Variants in DHX9 observed in about 807,000 individuals in gnomAD.
DHX9 encodes the protein ATP-dependent RNA helicase A.
Under a neutral mutation model 148.7 loss-of-function variants are expected in DHX9, and 27 were observed. The ratio of observed to expected loss-of-function variants is 0.18; its 90% CI spans 0.13 to 0.25. DHX9 has a LOEUF of 0.25. Among genes scored for constraint, DHX9 ranks in the 10% least tolerant of loss-of-function variants. The pLI is 1.00. For missense variants in DHX9, 796 were observed against 1,559.6 expected (o/e 0.51, Z 8.25); for synonymous variants, 529 against 516.6 (o/e 1.02, Z -0.33).
Position 182,883,131 on chromosome 1 carries a change from C to T in DHX9, c.2915-8C>T. 1.9e-6 allele frequency: 3 copies of T among 1,607,504 alleles called. No homozygotes were observed. Among genetic ancestry groups the T allele is most frequent in the Non-Finnish European group, 2.6e-6 (3 of 1,174,094 alleles). On this transcript the variant is annotated splice_polypyrimidine_tract_variant and splice_region_variant and intron_variant, in intron 24 of 27. Coordinates refer to ENST00000367549, the MANE Select transcript of DHX9 (RefSeq NM_001357.5). ...TGATTTTTGTTTTCACTGTGCTCCTCTTAACAGATTGTTTGTTGACACAAG... is the reference window on the plus strand; with the variant it reads ...TGATTTTTGTTTTCACTGTGCTCCTTTTAACAGATTGTTTGTTGACACAAG...
intron 14 of DHX9, among the ~76,000 whole-genome samples, chr1:182,868,723 G>A (rs1344703627): frequency 2.0e-5 from 3 of 151,862 alleles, no homozygotes; most frequent in African/African-American, 7.3e-5. Flanking sequence ...CACCATGTTG[G>A]CCAGGCTGGT....
intron 6 of DHX9, among the ~76,000 whole-genome samples, chr1:182,855,240 A>G (rs1668233175): frequency 6.6e-6 from 1 of 151,048 alleles, no homozygotes. Context: ...GTCTTTCTGA[A>G]CGCATTGGGC....
Position 182,883,504 on chromosome 1 carries a change from CT to C in DHX9, c.3145-13del, listed in dbSNP as rs896071282. 13 of 1,609,554 alleles carry C rather than the reference CT, an allele frequency of 8.1e-6. No individual in the cohort carries two copies. Among genetic ancestry groups the C allele is most frequent in the Non-Finnish European group, 1.1e-5 (13 of 1,176,120 alleles). On this transcript the variant is annotated splice_polypyrimidine_tract_variant and intron_variant, in intron 25 of 27. Transcript: ENST00000367549. ...GAATGTCAACCATTTTGTATTGTCT[CT>C]TTCTCCATTTGCAGATTCGAACTCG...
intron 6 of DHX9, among the ~76,000 whole-genome samples, chr1:182,855,006 A>G (rs1000694738): frequency 6.6e-6 from 1 of 152,206 alleles, no homozygotes; most frequent in Non-Finnish European, 1.5e-5. Flanking sequence ...TTTTCTCGAA[A>G]ATCAAAGTGT....
chr1:182,876,602 C>T (rs1648812557), intron 18 of DHX9, 61 bp downstream of exon 18: 1 of 1,476,862 alleles, frequency 6.8e-7, no homozygotes, highest in African/African-American at 1.4e-5. Flanking sequence ...ACAAATGTTA[C>T]AGGCTTTCAA....
intron 26 of DHX9, 34 bp from the exon 27 acceptor site, chr1:182,884,579 C>CCT: frequency 1.3e-6 from 2 of 1,583,960 alleles, no homozygotes; most frequent in Non-Finnish European, 1.7e-6. Context: ...ACATATACTC[C>CCT]CTCTCTTATT....
At chr1:182,868,187 C>T (rs908264406) in intron 14 of DHX9, among the ~76,000 whole-genome samples, 3 of 151,948 alleles carry the variant, frequency 2.0e-5, no homozygotes, top group African/African-American at 7.3e-5. Context: ...TAGTACTCAG[C>T]AACAAAAAGA....
chr1:182,839,565 G>C (rs962313263), intron 1 of DHX9, 109 bp downstream of exon 1: 1 of 152,840 alleles, frequency 6.5e-6, no homozygotes, highest in Non-Finnish European at 1.5e-5. Flanking sequence ...CGGCGGCGGC[G>C]GCTGGGGGTG....
intron 14 of DHX9, among the ~76,000 whole-genome samples, chr1:182,868,703 G>A (rs1365456413): frequency 1.3e-5 from 2 of 151,870 alleles, no homozygotes; most frequent in Admixed American, 1.3e-4. Context: ...TTTTAGTAGA[G>A]AGAGGATTTC....
chr1:182,876,721 T>C, intron 18 of DHX9, 109 bp from the exon 19 acceptor site: 4 of 954,794 alleles, frequency 4.2e-6, no homozygotes, highest in Non-Finnish European at 6.4e-6. Context: ...GGGTGATCTT[T>C]TTAGGACTTC....
chr1:182,858,802 C>G lies in DHX9; in HGVS notation c.970C>G (p.Gln324Glu). ...GGCTCAGTTCGAACCATCTCAGCGA[C>G]AAAACCAAGTGGGTGTGGTTCCTTG... ...KLAQFEPSQRQNQVGVVPWSP... is the reference protein window; with the variant it reads ...KLAQFEPSQRENQVGVVPWSP... Residue 324 changes from glutamine (Q) to glutamate (E), a missense_variant, in exon 10 of 28, where the codon CAA becomes GAA. Around this residue, in one of 14 missense-constraint regions of DHX9, gnomAD observed 63 missense variants for 78.6 expected, o/e 0.80. Transcript: ENST00000367549. The G allele has an allele frequency of 6.2e-7, 1 of 1,614,158 alleles. No homozygotes were observed. Among genetic ancestry groups the G allele is most frequent in the Non-Finnish European group, 8.5e-7 (1 of 1,180,020 alleles).
At chr1:182,877,874 T>C in intron 19 of DHX9, 147 bp from the exon 20 acceptor site, 1 of 892,760 alleles carries the variant, frequency 1.1e-6, no homozygotes. Flanking sequence ...GTCAGATTGC[T>C]GATTCTTACT....
At position 182,859,090 on chromosome 1, in the gene DHX9, G is replaced by A. The variant is rs1202885826; in HGVS notation, c.1113G>A (p.Gln371=). 1.2e-6 allele frequency: 2 copies of A among 1,614,108 alleles called. No individual in the cohort carries two copies. Among genetic ancestry groups the A allele is most frequent in the South Asian group, 2.2e-5 (2 of 91,066 alleles). ...SMDLKNELMY[Q]LEQDHDLQAI... is the part of the protein sequence containing the mutation. ...ACCTCAAGAATGAATTGATGTACCA[G>A]TTGGAACAGGATCATGATTTGCAAG... The change falls in exon 11 of 28, where the codon CAG becomes CAA. Residue 371 remains glutamine, a synonymous_variant. Coordinates refer to ENST00000367549, the MANE Select transcript of DHX9 (RefSeq NM_001357.5).
At chr1:182,868,386 C>CA (rs1027832930) in intron 14 of DHX9, among the ~76,000 whole-genome samples, 3 of 149,884 alleles carry the variant, frequency 2.0e-5, no homozygotes, top group African/African-American at 4.9e-5. Flanking sequence ...GCATAACAGT[C>CA]AAAAAAAAAT....
At chr1:182,844,859 C>T (rs548924681) in intron 3 of DHX9, among the ~76,000 whole-genome samples, 2 of 152,016 alleles carry the variant, frequency 1.3e-5, no homozygotes, top group South Asian at 2.1e-4. Context: ...GACAGATTTT[C>T]ACCATGTTGG....
At chr1:182,865,220 TAACTC>T (rs1240409544) in intron 12 of DHX9, among the ~76,000 whole-genome samples, 10 of 152,350 alleles carry the variant, frequency 6.6e-5, no homozygotes, top group South Asian at 2.1e-4. Context: ...TCACATTCCT[TAACTC>T]AAGTATGTAG....
At chr1:182,843,790 C>A (rs1012095997) in intron 3 of DHX9, among the ~76,000 whole-genome samples, 2 of 152,076 alleles carry the variant, frequency 1.3e-5, no homozygotes, top group Non-Finnish European at 2.9e-5. Flanking sequence ...ATGTTTGCTC[C>A]CATTGACACT....
chr1:182,846,904 TC>T (rs1273621027), intron 3 of DHX9, among the ~76,000 whole-genome samples: 5 of 152,174 alleles, frequency 3.3e-5, no homozygotes, highest in South Asian at 4.1e-4. Context: ...CTTTTTTTTT[TC>T]CTATCATTTT....
intron 14 of DHX9, among the ~76,000 whole-genome samples, chr1:182,867,648 C>G (rs538189153): frequency 6.6e-6 from 1 of 152,308 alleles, no homozygotes; most frequent in African/African-American, 2.4e-5. Flanking sequence ...GGTGATCCAC[C>G]TGCCTTAGCC....
Sources: allele counts gnomAD v4.1 joint callset (sites outside exome capture counted in the v4.1 genomes callset), GRCh38; gene constraint gnomAD v4.1.1; regional missense constraint gnomAD v4.1.1; transcripts MANE v1.5; gene names NCBI Gene and HGNC (gene_info 2026-07-23, HGNC 2026-07-21).